The following R3HCC1L variants were observed in gnomAD, a reference collection of about 807,000 sequenced individuals.
R3HCC1L encodes R3H domain and coiled-coil containing 1 like, also known as coiled-coil domain-containing protein R3HCC1L.
R3HCC1L carries 51 observed loss-of-function variants against 59.9 expected under a neutral mutation model. The observed-to-expected ratio is 0.85, with a 90% confidence interval of 0.68 to 1.07. R3HCC1L has a LOEUF of 1.07. R3HCC1L is among the 50% of genes least tolerant of loss of function. The pLI is 0.00. For synonymous variants in R3HCC1L, 322 were observed against 315.2 expected, an observed-to-expected ratio of 1.02 and a Z score of -0.23; for missense variants, 965 against 933.0, an observed-to-expected ratio of 1.03 and a Z score of -0.45.
At chr10:98,224,702 AT>A (rs1473313062) in intron 5 of R3HCC1L, among the ~76,000 whole-genome samples, 1 of 152,244 alleles carries the variant, frequency 6.6e-6, no homozygotes, top group Non-Finnish European at 1.5e-5. Flanking sequence ...TCTCTGAATC[AT>A]TTGTAAACTT....
intron 4 of R3HCC1L, among the ~76,000 whole-genome samples, chr10:98,189,047 G>A (rs2134777549): frequency 6.6e-6 from 1 of 152,264 alleles, no homozygotes; most frequent in East Asian, 1.9e-4. Flanking sequence ...TAAAGTTCAT[G>A]TATTGAAGTT....
At chr10:98,186,311 G>T (rs149326213) in intron 4 of R3HCC1L, among the ~76,000 whole-genome samples, 2 of 152,064 alleles carry the variant, frequency 1.3e-5, no homozygotes. Flanking sequence ...TGGTTCCTTC[G>T]GTTTTGATGT....
intron 9 of R3HCC1L, among the ~76,000 whole-genome samples, chr10:98,240,237 C>T (rs1300339888): frequency 5.3e-5 from 8 of 152,024 alleles, no homozygotes; most frequent in African/African-American, 1.9e-4. Flanking sequence ...ACCTGAGAGG[C>T]GGAGGTTGCG....
At position 98,180,323 on chromosome 10, in the gene R3HCC1L, C is replaced by T. The variant is rs114244587; in HGVS notation, c.-15+16926C>T. ...CTTAATTTCATTATTTATGAAATAACGTCATTCAGGAGCAGGTTGTTCAGT... is the reference window on the plus strand; with the variant it reads ...CTTAATTTCATTATTTATGAAATAATGTCATTCAGGAGCAGGTTGTTCAGT... On this transcript the variant is annotated intron_variant, in intron 4 of 9. Transcript: ENST00000298999. Among the ~76,000 whole-genome samples the T allele has an allele frequency of 6.7e-3, 1,012 of 151,894 alleles. 16 individuals carry two copies. The highest frequency in any genetic ancestry group is 0.022 in the African/African-American group (929 of 41,494).
chr10:98,221,291 A>T (rs1261125731), intron 5 of R3HCC1L, among the ~76,000 whole-genome samples: 4 of 151,470 alleles, frequency 2.6e-5, no homozygotes, highest in Admixed American at 2.0e-4. Context: ...CCTTTGTCAG[A>T]TGAGGAGGTT....
intron 1 of R3HCC1L, among the ~76,000 whole-genome samples, chr10:98,151,940 T>C (rs1260672043): frequency 6.6e-6 from 1 of 152,054 alleles, no homozygotes; most frequent in Non-Finnish European, 1.5e-5. Flanking sequence ...CCCCACGGTC[T>C]CCCTCTCCCT....
chr10:98,211,405 C>T, intron 5 of R3HCC1L: 1 of 1,483,232 alleles, frequency 6.7e-7, no homozygotes, highest in Non-Finnish European at 9.0e-7. Flanking sequence ...TGACTGTCAG[C>T]CCATAATTAG....
chr10:98,205,435 A>G (rs1283173023), intron 4 of R3HCC1L, among the ~76,000 whole-genome samples: 1 of 152,210 alleles, frequency 6.6e-6, no homozygotes, highest in Non-Finnish European at 1.5e-5. Context: ...TGCTGCTAAT[A>G]AAAATGTGTC....
intron 4 of R3HCC1L, among the ~76,000 whole-genome samples, chr10:98,197,067 A>G (rs1049408132): frequency 6.6e-6 from 1 of 151,990 alleles, no homozygotes; most frequent in Non-Finnish European, 1.5e-5. Context: ...CTCCTACCTC[A>G]GCGTCCCAAG....
At chr10:98,212,263 A>G (rs1023629534) in intron 5 of R3HCC1L, among the ~76,000 whole-genome samples, 2 of 152,166 alleles carry the variant, frequency 1.3e-5, no homozygotes, top group Non-Finnish European at 2.9e-5. Flanking sequence ...AACATACTTT[A>G]TTAAGTGCTA....
chr10:98,176,692 A>G (rs1438061825), intron 4 of R3HCC1L, among the ~76,000 whole-genome samples: 2 of 152,056 alleles, frequency 1.3e-5, no homozygotes, highest in South Asian at 4.1e-4. Context: ...GATGTCTTTT[A>G]TATTTTTTTC....
intron 4 of R3HCC1L, chr10:98,186,392 A>T (rs1239354657): frequency 3.5e-6 from 2 of 579,264 alleles, no homozygotes; most frequent in African/African-American, 4.1e-5. Flanking sequence ...CATACAATTG[A>T]TCTTCTCAAA....
chr10:98,167,273 T>C (rs949361697), intron 4 of R3HCC1L, among the ~76,000 whole-genome samples: 3 of 152,222 alleles, frequency 2.0e-5, no homozygotes, highest in Admixed American at 1.3e-4. Flanking sequence ...CTTGGAACTC[T>C]AATGAATAAA....
At position 98,167,653 on chromosome 10, in the gene R3HCC1L, T is replaced by C. The variant is rs115533325; in HGVS notation, c.-15+4256T>C. On this transcript the variant is annotated intron_variant, in intron 4 of 9. Transcript: ENST00000298999. Reference sequence around the variant, plus strand: ...ACCCCAACATAATTTTTAGAAGATATGTGTTTTAGTCTTACAGTAGTAGTT... The same window carrying C: ...ACCCCAACATAATTTTTAGAAGATACGTGTTTTAGTCTTACAGTAGTAGTT... Among the ~76,000 whole-genome samples the C allele has an allele frequency of 5.9e-3, 900 of 152,336 alleles. 5 individuals are homozygous for C. Among genetic ancestry groups the C allele is most frequent in the African/African-American group, 0.021 (860 of 41,574 alleles).
At chr10:98,149,047 C>G (rs1040384013) in intron 1 of R3HCC1L, among the ~76,000 whole-genome samples, 3 of 152,046 alleles carry the variant, frequency 2.0e-5, no homozygotes, top group African/African-American at 7.2e-5. Context: ...CTGGCTATTT[C>G]TTATTGGTTT....
intron 5 of R3HCC1L, among the ~76,000 whole-genome samples, chr10:98,220,308 ATC>A (rs755956530): frequency 6.1e-5 from 9 of 148,140 alleles, no homozygotes; most frequent in Admixed American, 1.3e-4. Flanking sequence ...GTTTTCTTGT[ATC>A]TCACTGACGT....
At chr10:98,162,310 A>G (rs1251807859) in intron 2 of R3HCC1L, among the ~76,000 whole-genome samples, 2 of 152,254 alleles carry the variant, frequency 1.3e-5, no homozygotes, top group Non-Finnish European at 2.9e-5. Context: ...TGATAAATTT[A>G]TCAAAGGAGA....
intron 6 of R3HCC1L, among the ~76,000 whole-genome samples, chr10:98,233,178 A>G (rs1398684360): frequency 6.6e-6 from 1 of 152,156 alleles, no homozygotes; most frequent in Non-Finnish European, 1.5e-5. Flanking sequence ...TCTTAAAACT[A>G]AGGATCATTT....
At chr10:98,226,116 A>T (rs904392313) in intron 5 of R3HCC1L, among the ~76,000 whole-genome samples, 6 of 152,304 alleles carry the variant, frequency 3.9e-5, no homozygotes, top group Admixed American at 2.6e-4. Context: ...CTGGGATTAC[A>T]GGTCTGTGCC....
Sources: gnomAD v4.1 joint callset for allele counts (sites outside exome capture counted in the v4.1 genomes callset) on GRCh38, gnomAD v4.1.1 for gene constraint, MANE v1.5 for transcripts, NCBI Gene and HGNC (gene_info 2026-07-23, HGNC 2026-07-21) for gene names.